Variants in HDDC2 observed in about 807,000 individuals in gnomAD.
HDDC2 encodes the protein 5'-deoxynucleotidase HDDC2.
A neutral mutation model predicts 25.5 loss-of-function variants in HDDC2; 25 were observed. That is an observed-to-expected ratio of 0.98 (90% CI 0.72 to 1.37). The LOEUF (loss-of-function observed/expected upper bound fraction) is 1.37, where lower values mean the gene tolerates loss of function less well. Among genes scored for constraint, HDDC2 ranks in the 40% most tolerant of loss-of-function variants. The pLI is 0.00. For missense variants in HDDC2, 264 were observed against 253.1 expected (o/e 1.04, Z -0.29); for synonymous variants, 106 against 89.7 (o/e 1.18, Z -1.03).
chr6:125,295,325 T>C (rs563150969), intron 3 of HDDC2, among the ~76,000 whole-genome samples: 3 of 152,358 alleles, frequency 2.0e-5, no homozygotes, highest in South Asian at 4.1e-4. Context: ...GTCAGTTTTG[T>C]GACAAGTAAC....
chr6:125,298,114 A>AG (rs541543365), intron 3 of HDDC2, among the ~76,000 whole-genome samples: 2 of 152,058 alleles, frequency 1.3e-5, no homozygotes, highest in Non-Finnish European at 2.9e-5. Flanking sequence ...GTGGAGGGAG[A>AG]GGGGGGTTAA....
intron 4 of HDDC2, among the ~76,000 whole-genome samples, chr6:125,289,703 TG>T (rs980206691): frequency 7.9e-5 from 12 of 152,050 alleles, no homozygotes; most frequent in African/African-American, 2.9e-4. Flanking sequence ...AAGAATGAAT[TG>T]GGGGGAGACA....
At chr6:125,298,055 C>A (rs922759495) in intron 3 of HDDC2, among the ~76,000 whole-genome samples, 4 of 152,114 alleles carry the variant, frequency 2.6e-5, no homozygotes, top group Admixed American at 2.6e-4. Context: ...AGAATTCCTA[C>A]AAATTCATTT....
At chr6:125,279,277 A>T (rs56060544) in intron 4 of HDDC2, 1 of 152,220 alleles carries the variant, frequency 6.6e-6, no homozygotes, top group Non-Finnish European at 1.5e-5. Flanking sequence ...TGAATTTTCC[A>T]ATCTGACCTG....
rs1318002041 is a variant in HDDC2, at chr6:125,275,820, C to T, written c.*326G>A. On this transcript the variant is annotated 3_prime_UTR_variant, in exon 6 of 6. Transcript: ENST00000398153. ...TCTATTATTCAATGAACCTAGCCTT[C>T]GGGGATATCGGTAATTAAGTCAGAA... 2.0e-5 allele frequency: 5 copies of T among 248,144 alleles called. No individual in the cohort carries two copies. Among genetic ancestry groups the T allele is most frequent in the African/African-American group, 4.5e-5 (2 of 44,690 alleles). The allele number at this position is 248,144 out of a possible 1,614,324, so 15.4% of individuals were successfully genotyped here. A position where few individuals can be genotyped will look rare whatever the true frequency, so the allele number is the denominator to read the frequency against.
Position 125,300,587 on chromosome 6 carries a change from TC to T in HDDC2, c.156del (p.Met53TrpfsTer7). The T allele has an allele frequency of 6.2e-7, 1 of 1,614,196 alleles. No individual in the cohort carries two copies. Among genetic ancestry groups the T allele is most frequent in the South Asian group, 1.1e-5 (1 of 91,086 alleles). Reference sequence around the variant, plus strand: ...TTGATCACCATAGCCATAACTGCCATCCGGTACATGTGATCTGAAACGCTCT... The same window carrying T: ...TTGATCACCATAGCCATAACTGCCATCGGTACATGTGATCTGAAACGCTCT... ...RPESVSDHMY[R>X]MAVMAMVIKD... On this transcript the variant is annotated frameshift_variant, in exon 2 of 6. Transcript: ENST00000398153. LOFTEE classifies it high-confidence loss of function.
chr6:125,288,527 T>C (rs991256587), intron 4 of HDDC2, among the ~76,000 whole-genome samples: 4 of 152,080 alleles, frequency 2.6e-5, no homozygotes, highest in Non-Finnish European at 2.9e-5. Flanking sequence ...AATGGAGGAC[T>C]AAATAGGCAG....
Position 125,275,609 on chromosome 6 carries a change from A to G in HDDC2, c.*537T>C, listed in dbSNP as rs1798355594. On this transcript the variant is annotated 3_prime_UTR_variant, in exon 6 of 6. Coordinates refer to ENST00000398153, the MANE Select transcript of HDDC2 (RefSeq NM_016063.3). ...GGGCAGAGCCTATTAGTAGGTTTACAAGCCTATGATTAGAAGTCTGAAGCA... is the reference window on the plus strand; with the variant it reads ...GGGCAGAGCCTATTAGTAGGTTTACGAGCCTATGATTAGAAGTCTGAAGCA... 1 of 152,834 alleles carries G rather than the reference A, an allele frequency of 6.5e-6. No homozygotes were observed. The highest frequency in any genetic ancestry group is 2.4e-5 in the African/African-American group (1 of 41,450). 9.5% of individuals were successfully genotyped at this position (152,834 alleles called of 1,614,324 possible).
chr6:125,289,160 G>A (rs1351050497), intron 4 of HDDC2, among the ~76,000 whole-genome samples: 1 of 132,620 alleles, frequency 7.5e-6, no homozygotes, highest in Admixed American at 7.3e-5. Context: ...CATAAAAAAT[G>A]ATGAGTTCAT....
At chr6:125,301,793 G>A (rs577357077) in intron 1 of HDDC2, 56 bp downstream of exon 1, 10 of 1,338,212 alleles carry the variant, frequency 7.5e-6, no homozygotes, top group African/African-American at 4.5e-5. Flanking sequence ...CGGAAGCTCC[G>A]CCGCCCCACA....
At chr6:125,283,979 T>C (rs964299023) in intron 4 of HDDC2, among the ~76,000 whole-genome samples, 1 of 151,946 alleles carries the variant, frequency 6.6e-6, no homozygotes, top group African/African-American at 2.4e-5. Flanking sequence ...TATAGACCAA[T>C]GGAAGAGAAC....
chr6:125,285,113 A>G (rs1377023184), intron 4 of HDDC2, among the ~76,000 whole-genome samples: 1 of 144,544 alleles, frequency 6.9e-6, no homozygotes, highest in Non-Finnish European at 1.5e-5. Context: ...GAGTGGAACA[A>G]TGAGAACATA....
At chr6:125,295,309 T>C (rs896489908) in intron 3 of HDDC2, among the ~76,000 whole-genome samples, 5 of 152,220 alleles carry the variant, frequency 3.3e-5, no homozygotes, top group Admixed American at 1.3e-4. Flanking sequence ...TCAGCAAATA[T>C]TTTGTGTCAG....
At position 125,275,455 on chromosome 6, in the gene HDDC2, G is replaced by A. The variant is rs1270541796; in HGVS notation, c.*691C>T. On this transcript the variant is annotated 3_prime_UTR_variant, in exon 6 of 6. Transcript: ENST00000398153. ...TTCCTATTTATATTTCTCACCTGAT[G>A]ATACATGCTTTTACAATAAAGGTCT... is the stretch of plus-strand genomic sequence containing the variant. The A allele has an allele frequency of 6.6e-6, 1 of 152,174 alleles. No individual in the cohort carries two copies. Among genetic ancestry groups the A allele is most frequent in the African/African-American group, 2.4e-5 (1 of 41,436 alleles). The allele number at this position is 152,174 out of a possible 1,614,324, so 9.4% of individuals were successfully genotyped here.
chr6:125,299,583 C>T (rs1297756787), intron 2 of HDDC2, among the ~76,000 whole-genome samples: 1 of 152,140 alleles, frequency 6.6e-6, no homozygotes, highest in African/African-American at 2.4e-5. Context: ...AGTACAAGGC[C>T]CAACAGTGTC....
intron 4 of HDDC2, among the ~76,000 whole-genome samples, chr6:125,281,849 A>C (rs574627901): frequency 4.6e-5 from 7 of 152,308 alleles, no homozygotes; most frequent in African/African-American, 1.7e-4. Flanking sequence ...AATACAGAGA[A>C]CACCACAAAA....
chr6:125,275,418 C>T lies in HDDC2; in HGVS notation c.*728G>A, dbSNP rs998865396. 1 of 152,170 alleles carries T rather than the reference C, an allele frequency of 6.6e-6. No individual in the cohort carries two copies. Among genetic ancestry groups the T allele is most frequent in the Non-Finnish European group, 1.5e-5 (1 of 68,020 alleles). 9.4% of individuals were successfully genotyped at this position (152,170 alleles called of 1,614,324 possible). On this transcript the variant is annotated 3_prime_UTR_variant, in exon 6 of 6. Coordinates refer to ENST00000398153, the MANE Select transcript of HDDC2 (RefSeq NM_016063.3). ...GTTGATATATTCCCTACCTGAGGCT[C>T]AATGACCCCAGTTCCTATTTATATT...
chr6:125,276,736 G>A (rs1798375859), intron 5 of HDDC2: 1 of 275,908 alleles, frequency 3.6e-6, no homozygotes, highest in South Asian at 6.3e-5. Flanking sequence ...TCAATTGGCT[G>A]ATCTGTGCTG....
intron 5 of HDDC2, chr6:125,276,578 G>A (rs1798372931): frequency 3.1e-6 from 1 of 324,638 alleles, no homozygotes. Flanking sequence ...GAAAGCTGAA[G>A]ACAATCTCTG....
Sources: gnomAD v4.1 joint callset for allele counts (sites outside exome capture counted in the v4.1 genomes callset) on GRCh38, gnomAD v4.1.1 for gene constraint, MANE v1.5 for transcripts, NCBI Gene and HGNC (gene_info 2026-07-23, HGNC 2026-07-21) for gene names.